The following RP1L1 variants were observed in gnomAD, a reference collection of about 807,000 sequenced individuals.
The protein encoded by RP1L1 is RP1 like 1, also known as retinitis pigmentosa 1-like 1 protein.
RP1L1 carries 27 observed loss-of-function variants against 15.7 expected under a neutral mutation model. The observed-to-expected ratio is 1.72, with a 90% CI of 1.27 to 2.38. The LOEUF is 2.38. Ranked by LOEUF, RP1L1 falls within the 30% of genes most tolerant of loss-of-function variation. RP1L1 has a pLI of 0.00. For missense variants in RP1L1, 4,798 were observed against 3,075.9 expected, an observed-to-expected ratio of 1.56 and a Z score of -13.24; for synonymous variants, 1,813 against 1,276.7, an observed-to-expected ratio of 1.42 and a Z score of -8.96.
chr8:10,628,350 A>C (rs1241185569), intron 1 of RP1L1, among the ~76,000 whole-genome samples: 2 of 152,186 alleles, frequency 1.3e-5, no homozygotes, highest in Non-Finnish European at 2.9e-5. Flanking sequence ...CCTCCCTTTC[A>C]AAATGATAGT....
intron 1 of RP1L1, among the ~76,000 whole-genome samples, chr8:10,635,464 T>C (rs1156857440): frequency 6.6e-6 from 1 of 152,216 alleles, no homozygotes; most frequent in Non-Finnish European, 1.5e-5. Context: ...GCCAACGCAA[T>C]TCAGGTTGTA....
chr8:10,613,132 G>A lies in RP1L1; in HGVS notation c.966C>T (p.Ser322=), dbSNP rs865791745. 6.2e-6 allele frequency: 10 copies of A among 1,613,812 alleles called. No homozygotes were observed. Among genetic ancestry groups the A allele is most frequent in the East Asian group, 2.2e-5 (1 of 44,890 alleles). Residue 322 remains serine, a synonymous_variant, in exon 4 of 4, where the codon TCC becomes TCT. Coordinates refer to ENST00000382483, the MANE Select transcript of RP1L1 (RefSeq NM_178857.6). The part of the protein sequence containing the change: ...KVRMNEDGSL[S]VEMKVRFHLV... ...GGTGGAAGCGGACTTTCATCTCCAC[G>A]GACAGGCTGCCGTCCTCATTCATGC... is the stretch of plus-strand genomic sequence containing the variant.
In RP1L1 at chr8:10,655,104, G is replaced by T. The variant is rs888662577; in HGVS notation, c.-226C>A. The T allele has an allele frequency of 1.3e-5, 2 of 152,716 alleles. No homozygotes were observed. Among genetic ancestry groups the T allele is most frequent in the Non-Finnish European group, 2.9e-5 (2 of 68,178 alleles). The allele number at this position is 152,716 out of a possible 1,614,324, so 9.5% of individuals were successfully genotyped here. On this transcript the variant is annotated 5_prime_UTR_variant, in exon 1 of 4. It adds an upstream start codon to the 5' untranslated region. Transcript: ENST00000382483. ...GCCTGAGGCCCCAGTCCCTTGGGCA[G>T]GAGCCCAGCCTCCTGAGCTCCAACA...
Position 10,610,384 on chromosome 8 carries a change from C to G in RP1L1, c.3714G>C (p.Arg1238Ser). 3 of 1,614,080 alleles carry G rather than the reference C, an allele frequency of 1.9e-6. No homozygotes were observed. The highest frequency in any genetic ancestry group is 2.5e-6 in the Non-Finnish European group (3 of 1,180,036). ...TELPLKTSNQRPDSRTYESPG... is the reference protein window; with the variant it reads ...TELPLKTSNQSPDSRTYESPG... ...GGCTCTCATAAGTTCTTGAATCAGGCCTCTGGTTGGAGGTTTTCAGGGGCA... is the reference window on the plus strand; with the variant it reads ...GGCTCTCATAAGTTCTTGAATCAGGGCTCTGGTTGGAGGTTTTCAGGGGCA... The change falls in exon 4 of 4, where the codon AGG becomes AGC. Residue 1238 changes from arginine to serine, a missense_variant. Coordinates refer to ENST00000382483, the MANE Select transcript of RP1L1 (RefSeq NM_178857.6).
intron 1 of RP1L1, among the ~76,000 whole-genome samples, chr8:10,631,235 G>A (rs73201170): frequency 7.4e-5 from 11 of 148,576 alleles, no homozygotes; most frequent in Non-Finnish European, 1.5e-4. Context: ...ACGCACACAC[G>A]TACACACATG....
At chr8:10,619,223 C>T (rs1239896279) in intron 2 of RP1L1, among the ~76,000 whole-genome samples, 1 of 152,190 alleles carries the variant, frequency 6.6e-6, no homozygotes, top group Non-Finnish European at 1.5e-5. Context: ...TCCCTTGCAG[C>T]TTGGGATCTA....
intron 1 of RP1L1, among the ~76,000 whole-genome samples, chr8:10,635,150 T>C (rs1358943493): frequency 6.6e-6 from 1 of 152,170 alleles, no homozygotes; most frequent in Non-Finnish European, 1.5e-5. Context: ...CATCTGATCT[T>C]GCCACTGGCC....
At chr8:10,626,379 G>A (rs147369632) in intron 1 of RP1L1, among the ~76,000 whole-genome samples, 13 of 152,296 alleles carry the variant, frequency 8.5e-5, no homozygotes, top group African/African-American at 2.9e-4. Context: ...GCGGATCACC[G>A]AAAGAAGCCG....
At position 10,611,402 on chromosome 8, in the gene RP1L1, G is replaced by A. The variant is rs779849753; in HGVS notation, c.2696C>T (p.Pro899Leu). ...TGCCCCTGAATTGGGGCCTGGGGAC[G>A]GCGTGGGGCCTGGCTGGCGTGTCCC... ...QEGTRQPGPT[P>L]SPGPNSGASR... Residue 899 changes from proline to leucine, a missense_variant, in exon 4 of 4, where the codon CCG (proline) becomes CTG (leucine). Transcript: ENST00000382483. 6.4e-5 allele frequency: 102 copies of A among 1,600,486 alleles called. 3 individuals carry two copies. In the South Asian group the frequency reaches 9.8e-4, roughly 15 times the overall value.
chr8:10,633,818 A>G (rs1798289052), intron 1 of RP1L1, among the ~76,000 whole-genome samples: 1 of 152,234 alleles, frequency 6.6e-6, no homozygotes, highest in Non-Finnish European at 1.5e-5. Flanking sequence ...TACAAGGTAT[A>G]TGTCCAATTA....
chr8:10,639,750 G>A (rs993800979), intron 1 of RP1L1, among the ~76,000 whole-genome samples: 2 of 152,110 alleles, frequency 1.3e-5, no homozygotes, highest in Non-Finnish European at 2.9e-5. Context: ...CTCCGGGAAA[G>A]TTTGACCGAA....
chr8:10,613,687 G>A (rs1004482890), intron 3 of RP1L1, among the ~76,000 whole-genome samples: 2 of 151,598 alleles, frequency 1.3e-5, no homozygotes, highest in African/African-American at 2.4e-5. Context: ...CTAGCTACTC[G>A]GAAGGCTGAG....
At chr8:10,636,811 C>T (rs1408601624) in intron 1 of RP1L1, among the ~76,000 whole-genome samples, 3 of 152,246 alleles carry the variant, frequency 2.0e-5, no homozygotes, top group African/African-American at 7.2e-5. Context: ...TCAGAACCGA[C>T]TCCCTCCTGG....
At position 10,611,167 on chromosome 8, in the gene RP1L1, G is replaced by A. The variant is rs370493745; in HGVS notation, c.2931C>T (p.Asp977=). Residue 977 remains aspartate, a synonymous_variant, in exon 4 of 4, where the codon GAC becomes GAT. Transcript: ENST00000382483. ...EPILMTYELA[D]ETTGAAGGGL... ...CACCCCCAGCTGCACCTGTGGTCTC[G>A]TCCGCCAACTCATATGTCATGAGTA... The A allele has an allele frequency of 4.1e-5, 66 of 1,612,430 alleles. No homozygotes were observed. Among genetic ancestry groups the A allele is most frequent in the Admixed American group, 8.3e-5 (5 of 60,008 alleles).
chr8:10,612,444 G>C lies in RP1L1; in HGVS notation c.1654C>G (p.Pro552Ala). ...CTTGCCTTGCCTGGACAGCCCTGGGGCCGCCCACCCCATTCGCTGGATCCC... is the reference window on the plus strand; with the variant it reads ...CTTGCCTTGCCTGGACAGCCCTGGGCCCGCCCACCCCATTCGCTGGATCCC... ...HEGSSEWGGR[P>A]QGCPGKARAE... Residue 552 changes from proline to alanine, a missense_variant, in exon 4 of 4, where the codon CCC (proline) becomes GCC (alanine). Pro to Ala is a conservative substitution (Grantham distance 27, BLOSUM62 -1). Transcript: ENST00000382483. 9.3e-6 allele frequency: 15 copies of C among 1,612,600 alleles called. No homozygotes were observed. The highest frequency in any genetic ancestry group is 1.2e-5 in the Non-Finnish European group (14 of 1,180,008).
At chr8:10,625,202 C>A (rs1293185905) in intron 1 of RP1L1, among the ~76,000 whole-genome samples, 4 of 152,156 alleles carry the variant, frequency 2.6e-5, no homozygotes, top group Non-Finnish European at 5.9e-5. Flanking sequence ...GACCTCTTAA[C>A]AAAACATGCT....
intron 1 of RP1L1, among the ~76,000 whole-genome samples, chr8:10,640,159 C>A (rs4240663): frequency 0.91 from 138,574 of 152,226 alleles, 63,165 homozygotes; most frequent in East Asian, 1. Flanking sequence ...TTACACTGGC[C>A]CAAGGGGTAA....
At chr8:10,654,253 T>C (rs1036721795) in intron 1 of RP1L1, among the ~76,000 whole-genome samples, 1 of 152,166 alleles carries the variant, frequency 6.6e-6, no homozygotes, top group African/African-American at 2.4e-5. Context: ...TTTGATTTTG[T>C]GGCCCTTCCA....
In RP1L1 at chr8:10,608,486, G is replaced by A; in HGVS notation, c.5612C>T (p.Ser1871Leu). Residue 1871 changes from serine to leucine, a missense_variant, in exon 4 of 4, where the codon TCA becomes TTA. Transcript: ENST00000382483. ...QEAEGEAQPE[S>L]EDVEAPEAEG... ...TGCCTCTGGGGCCTCTACATCTTCT[G>A]ACTCTGGCTGGGCCTCCCCTTCAGC... 2.5e-6 allele frequency: 4 copies of A among 1,594,028 alleles called. No homozygotes were observed. Among genetic ancestry groups the A allele is most frequent in the East Asian group, 2.3e-5 (1 of 44,386 alleles).
Sources: gnomAD v4.1 joint callset for allele counts (sites outside exome capture counted in the v4.1 genomes callset) on GRCh38, gnomAD v4.1.1 for gene constraint, MANE v1.5 for transcripts, NCBI Gene and HGNC (gene_info 2026-07-23, HGNC 2026-07-21) for gene names.